The following CAPRIN1 variants were observed in gnomAD, a reference collection of about 807,000 sequenced individuals.
CAPRIN1 encodes cell cycle associated protein 1, also known as caprin-1.
Under a neutral mutation model 100.9 loss-of-function variants are expected in CAPRIN1, and 29 were observed. That is an observed-to-expected ratio of 0.29 (90% confidence interval 0.21 to 0.39). The LOEUF (loss-of-function observed/expected upper bound fraction) is 0.39, where lower values mean the gene tolerates loss of function less well. CAPRIN1 is among the 10% of genes least tolerant of loss of function. The pLI is 1.00. For synonymous variants in CAPRIN1, 338 were observed against 307.5 expected (o/e 1.10, Z -1.04); for missense variants, 795 against 876.7 (o/e 0.91, Z 1.18).
chr11:34,072,761 G>A (rs922334239), intron 4 of CAPRIN1, among the ~76,000 whole-genome samples: 1 of 152,162 alleles, frequency 6.6e-6, no homozygotes, highest in Non-Finnish European at 1.5e-5. Context: ...CTTTGGAGAA[G>A]ACTAATAACA....
In CAPRIN1 at chr11:34,090,184, T is replaced by A; in HGVS notation, c.1299T>A (p.Pro433=). The change falls in exon 13 of 19, where the codon CCT becomes CCA. Residue 433 remains proline, a synonymous_variant. Coordinates refer to ENST00000341394, the MANE Select transcript of CAPRIN1 (RefSeq NM_005898.5). ...VPVQPEATQV[P]LVSSTSEGYT... Reference sequence around the variant, plus strand: ...ATTTCTTTACTTATGTCTAGGTTCCTTTGGTATCATCCACAAGTGAGGGGT... The same window carrying A: ...ATTTCTTTACTTATGTCTAGGTTCCATTGGTATCATCCACAAGTGAGGGGT... The A allele has an allele frequency of 6.2e-7, 1 of 1,605,124 alleles. No homozygotes were observed. Among genetic ancestry groups the A allele is most frequent in the Non-Finnish European group, 8.5e-7 (1 of 1,172,354 alleles).
chr11:34,092,900 T>C (rs939116851), intron 15 of CAPRIN1, among the ~76,000 whole-genome samples: 23 of 152,110 alleles, frequency 1.5e-4, no homozygotes, highest in Non-Finnish European at 7.4e-5. Flanking sequence ...TTGCCCGGGC[T>C]GGAGTGCAGT....
intron 2 of CAPRIN1, among the ~76,000 whole-genome samples, chr11:34,068,000 T>C (rs1850732487): frequency 6.6e-6 from 1 of 152,220 alleles, no homozygotes; most frequent in African/African-American, 2.4e-5. Context: ...CATGATTTTC[T>C]TATGCACAAA....
intron 4 of CAPRIN1, among the ~76,000 whole-genome samples, chr11:34,075,207 C>T (rs1209282173): frequency 6.6e-6 from 1 of 152,090 alleles, no homozygotes; most frequent in Non-Finnish European, 1.5e-5. Flanking sequence ...TTCTTGCAGC[C>T]TTCATCATTC....
chr11:34,076,226 T>G lies in CAPRIN1; in HGVS notation c.367-10T>G, dbSNP rs533082069. 1.9e-6 allele frequency: 3 copies of G among 1,598,676 alleles called. No homozygotes were observed. Among genetic ancestry groups the G allele is most frequent in the East Asian group, 4.5e-5 (2 of 44,788 alleles). ...TAATTTTGGTGTTTTACTTTTATAT[T>G]GTTTTGCAGATTCAGAAAACAATAA... On this transcript the variant is annotated splice_polypyrimidine_tract_variant and intron_variant, in intron 4 of 18. Coordinates refer to ENST00000341394, the MANE Select transcript of CAPRIN1 (RefSeq NM_005898.5).
At chr11:34,053,017 A>G in intron 2 of CAPRIN1, 1 of 1,044,748 alleles carries the variant, frequency 9.6e-7, no homozygotes, top group Non-Finnish European at 1.2e-6. Flanking sequence ...AGGGCCCAAA[A>G]TGAAGAGGTC....
intron 2 of CAPRIN1, among the ~76,000 whole-genome samples, chr11:34,062,661 A>G (rs1850605698): frequency 6.6e-6 from 1 of 151,336 alleles, no homozygotes; most frequent in East Asian, 1.9e-4. Context: ...GCTAAAGATT[A>G]TGGAAAGTTG....
intron 15 of CAPRIN1, among the ~76,000 whole-genome samples, chr11:34,095,182 CACTA>C (rs1851346046): frequency 6.6e-6 from 1 of 152,150 alleles, no homozygotes; most frequent in Non-Finnish European, 1.5e-5. Context: ...CAGTGTGAGC[CACTA>C]CACCCAGCCT....
At chr11:34,052,763 C>G (rs1468065726) in intron 2 of CAPRIN1, 127 bp downstream of exon 2, 4 of 1,415,506 alleles carry the variant, frequency 2.8e-6, no homozygotes, top group East Asian at 2.5e-5. Flanking sequence ...CCTCCCACCC[C>G]CTGGCCCACA....
intron 16 of CAPRIN1, 91 bp downstream of exon 16, chr11:34,096,764 GATGTATCTGCATTAGCCTCCTA>G: frequency 1.1e-6 from 1 of 946,740 alleles, no homozygotes; most frequent in Non-Finnish European, 1.6e-6. Flanking sequence ...TTTTGGGAAG[GATGTATCTGCATTAGCCTCCTA>G]TGTGCAATTT....
At chr11:34,099,109 T>C (rs1189538751) in intron 18 of CAPRIN1, 194 bp from the exon 19 acceptor site, 7 of 1,430,500 alleles carry the variant, frequency 4.9e-6, no homozygotes, top group Non-Finnish European at 9.1e-7. Flanking sequence ...TTCTTTTAGC[T>C]AAGAGAACAT....
chr11:34,079,904 AGTTTTTTTTTTTTTTTTTTT>A, intron 7 of CAPRIN1, 139 bp downstream of exon 7: 2 of 496,814 alleles, frequency 4.0e-6, no homozygotes, highest in Non-Finnish European at 6.3e-6. Context: ...AGCATGACAA[AGTTTTTTTTTTTTTTTTTTT>A]TTTTTTTTTT....
intron 2 of CAPRIN1, among the ~76,000 whole-genome samples, chr11:34,058,812 C>T (rs1277950410): frequency 2.0e-5 from 3 of 152,180 alleles, no homozygotes; most frequent in Non-Finnish European, 4.4e-5. Context: ...TCAGACTCTA[C>T]TCCAGCTTGG....
In CAPRIN1 at chr11:34,097,224, C is replaced by A. The variant is rs776519092; in HGVS notation, c.1929C>A (p.Phe643Leu). The A allele has an allele frequency of 6.2e-7, 1 of 1,613,640 alleles. No individual in the cohort carries two copies. Among genetic ancestry groups the A allele is most frequent in the Non-Finnish European group, 8.5e-7 (1 of 1,179,574 alleles). Reference protein sequence around the residue: ...RGGYDGYRPSFSNTPNSGYTQ... With the variant: ...RGGYDGYRPSLSNTPNSGYTQ... ...GATATGATGGTTACCGCCCTTCATT[C>A]TCTAACACTCCAAACAGTGGTTATA... is the stretch of plus-strand genomic sequence containing the variant. The change falls in exon 17 of 19, where the codon TTC becomes TTA. Residue 643 changes from phenylalanine (F) to leucine (L), a missense_variant. Around this residue, in one of 3 missense-constraint regions of CAPRIN1, gnomAD observed 648 missense variants for 697.9 expected, o/e 0.93. Transcript: ENST00000341394.
At chr11:34,073,713 A>G (rs1030775041) in intron 4 of CAPRIN1, among the ~76,000 whole-genome samples, 4 of 152,178 alleles carry the variant, frequency 2.6e-5, no homozygotes, top group African/African-American at 9.7e-5. Flanking sequence ...GTGTGAGCCA[A>G]CGTGCCTAGC....
In CAPRIN1 at chr11:34,076,406, C is replaced by G. The variant is rs773329151; in HGVS notation, c.537C>G (p.Ser179=). Residue 179 remains serine, a synonymous_variant, in exon 5 of 19, where the codon TCC becomes TCG. Coordinates refer to ENST00000341394, the MANE Select transcript of CAPRIN1 (RefSeq NM_005898.5). ...GTTTGAATGGAGTGCCAATATTGTC[C>G]GAAGAGGAGTTGTCATTGTTGGATG... ...KQGLNGVPIL[S]EEELSLLDEF... is the part of the protein sequence containing the mutation. The G allele has an allele frequency of 8.1e-6, 13 of 1,613,960 alleles. No homozygotes were observed. Among genetic ancestry groups the G allele is most frequent in the Non-Finnish European group, 1.1e-5 (13 of 1,180,030 alleles).
chr11:34,059,701 T>C (rs1173636052), intron 2 of CAPRIN1, among the ~76,000 whole-genome samples: 1 of 152,150 alleles, frequency 6.6e-6, no homozygotes, highest in Non-Finnish European at 1.5e-5. Context: ...CATAGAAATA[T>C]CTGTAGCTTC....
At chr11:34,081,416 C>G (rs1001814090) in intron 7 of CAPRIN1, among the ~76,000 whole-genome samples, 1 of 151,942 alleles carries the variant, frequency 6.6e-6, no homozygotes, top group Non-Finnish European at 1.5e-5. Flanking sequence ...TCAGGCTGGT[C>G]TCGAACTCCT....
intron 2 of CAPRIN1, chr11:34,053,144 C>CTG: frequency 1.0e-6 from 1 of 988,426 alleles, no homozygotes; most frequent in Non-Finnish European, 1.2e-6. Context: ...GTCGAGCGTC[C>CTG]CCTCTTCTTC....
Sources: gnomAD v4.1 joint callset for allele counts (sites outside exome capture counted in the v4.1 genomes callset) on GRCh38, gnomAD v4.1.1 for gene constraint, gnomAD v4.1.1 regional missense constraint, MANE v1.5 for transcripts, NCBI Gene and HGNC (gene_info 2026-07-23, HGNC 2026-07-21) for gene names.